Variants in TLK2 observed in about 807,000 individuals in gnomAD.
TLK2 encodes tousled like kinase 2, also known as serine/threonine-protein kinase tousled-like 2.
Under a neutral mutation model 117.3 loss-of-function variants are expected in TLK2, and 6 were observed. The observed-to-expected ratio is 0.05, with a 90% CI of 0.03 to 0.10. TLK2 has a LOEUF of 0.10. Ranked by LOEUF, TLK2 falls within the 10% of genes least tolerant of loss-of-function variation. The probability of loss-of-function intolerance (pLI) is 1.00; values close to 1 mark genes in which losing one functional copy is unlikely to be tolerated. For missense variants in TLK2, 299 were observed against 901.2 expected (o/e 0.33, Z 8.56); for synonymous variants, 257 against 316.7 (o/e 0.81, Z 2.00).
chr17:62,476,445 T>G (rs2071047178), upstream of TLK2, among the ~76,000 whole-genome samples: 1 of 151,858 alleles, frequency 6.6e-6, no homozygotes, highest in African/African-American at 2.4e-5. Context: ...AAGCCAGGTG[T>G]GGTGGTGTGC....
At chr17:62,570,183 G>T (rs1425819789) in intron 11 of TLK2, among the ~76,000 whole-genome samples, 2 of 152,142 alleles carry the variant, frequency 1.3e-5, no homozygotes, top group African/African-American at 4.8e-5. Context: ...CATATCCTGA[G>T]GTACTAACGA....
chr17:62,475,635 G>A (rs911755341), upstream of TLK2, among the ~76,000 whole-genome samples: 3 of 152,004 alleles, frequency 2.0e-5, no homozygotes, highest in Admixed American at 2.0e-4. Context: ...GTGAGCCACC[G>A]CGCCAGGCCC....
At chr17:62,574,246 T>C in intron 12 of TLK2, 1 of 1,484,400 alleles carries the variant, frequency 6.7e-7, no homozygotes, top group Non-Finnish European at 8.9e-7. Flanking sequence ...GAAAGATGGC[T>C]TAACACCAAT....
intron 16 of TLK2, among the ~76,000 whole-genome samples, chr17:62,596,030 A>C (rs2082455581): frequency 6.6e-6 from 1 of 152,106 alleles, no homozygotes; most frequent in Non-Finnish European, 1.5e-5. Context: ...AAAGGGATGA[A>C]AAGGGTTGAC....
intron 2 of TLK2, among the ~76,000 whole-genome samples, chr17:62,488,819 G>GT (rs1567776576): frequency 7.5e-6 from 1 of 134,102 alleles, no homozygotes. Flanking sequence ...GGGCCTTGAA[G>GT]ATTTTTTTTT....
chr17:62,471,494 C>G (rs1281456332), intron 1 of TLK2, among the ~76,000 whole-genome samples: 1 of 152,180 alleles, frequency 6.6e-6, no homozygotes, highest in Non-Finnish European at 1.5e-5. Flanking sequence ...TATTAACTGT[C>G]AAGTCCAATC....
At chr17:62,591,984 C>T (rs149500918) in intron 16 of TLK2, among the ~76,000 whole-genome samples, 223 of 149,646 alleles carry the variant, frequency 1.5e-3, no homozygotes, top group Non-Finnish European at 2.4e-3. Context: ...GACAGAGTTT[C>T]GCTCTTGTTG....
chr17:62,481,430 G>A (rs989842793), intron 2 of TLK2, among the ~76,000 whole-genome samples: 3 of 152,218 alleles, frequency 2.0e-5, no homozygotes, highest in African/African-American at 7.2e-5. Context: ...CTTCCTTTCT[G>A]GTATAGGAGA....
chr17:62,576,618 A>G (rs955840078), intron 12 of TLK2, 91 bp from the exon 13 acceptor site: 6 of 968,716 alleles, frequency 6.2e-6, no homozygotes, highest in Admixed American at 3.9e-5. Context: ...CTGAAACTGA[A>G]TATGTCTTAT....
At chr17:62,546,594 C>T (rs2077964442) in intron 7 of TLK2, among the ~76,000 whole-genome samples, 1 of 140,460 alleles carries the variant, frequency 7.1e-6, no homozygotes, top group Admixed American at 7.5e-5. Flanking sequence ...CTCACCATGT[C>T]ACCCAGGCTG....
upstream of TLK2, among the ~76,000 whole-genome samples, chr17:62,478,511 C>G (rs2071182281): frequency 6.7e-6 from 1 of 149,806 alleles, no homozygotes; most frequent in South Asian, 2.1e-4. Flanking sequence ...GCAGGGCGCC[C>G]CGGGCCGCCG....
In TLK2 at chr17:62,612,800, G is replaced by A. The variant is rs1242928734; in HGVS notation, c.*235G>A. On this transcript the variant is annotated 3_prime_UTR_variant, in exon 22 of 22. Coordinates refer to ENST00000346027, the MANE Select transcript of TLK2 (RefSeq NM_006852.6). ...AAAAGGCCCCGCCCGAGGTTCCAGC[G>A]TCAACGGCCACTGTGTGTGGCTGCT... 1.7e-5 allele frequency: 6 copies of A among 349,910 alleles called. No individual in the cohort carries two copies. The highest frequency in any genetic ancestry group is 1.0e-4 in the East Asian group (2 of 19,798). 21.7% of individuals were successfully genotyped at this position (349,910 alleles called of 1,614,324 possible). A position where few individuals can be genotyped will look rare whatever the true frequency, so the allele number is the denominator to read the frequency against.
At chr17:62,605,476 G>A (rs2083218911) in intron 19 of TLK2, among the ~76,000 whole-genome samples, 1 of 152,038 alleles carries the variant, frequency 6.6e-6, no homozygotes, top group African/African-American at 2.4e-5. Context: ...AGGCTCCGGT[G>A]ATCCTCCCGC....
intron 9 of TLK2, among the ~76,000 whole-genome samples, chr17:62,555,666 A>C (rs960433671): frequency 6.6e-6 from 1 of 151,610 alleles, no homozygotes; most frequent in African/African-American, 2.4e-5. Flanking sequence ...TATAGTAGAG[A>C]CGGGGTTTCA....
intron 2 of TLK2, among the ~76,000 whole-genome samples, chr17:62,518,693 G>A (rs984707292): frequency 4.6e-5 from 7 of 151,630 alleles, no homozygotes; most frequent in African/African-American, 1.5e-4. Context: ...GCTACAGAGC[G>A]AGACTCCGTC....
At chr17:62,472,589 T>C (rs972586279) in intron 1 of TLK2, among the ~76,000 whole-genome samples, 1 of 151,910 alleles carries the variant, frequency 6.6e-6, no homozygotes, top group Non-Finnish European at 1.5e-5. Flanking sequence ...ATAAAAAAAA[T>C]TAGCTGGGCG....
At position 62,602,064 on chromosome 17, in the gene TLK2, T is replaced by G. The variant is rs772962581; in HGVS notation, c.1743T>G (p.Gly581=). The change falls in exon 19 of 22, where the codon GGT becomes GGG. Residue 581 remains glycine (G), a synonymous_variant. Coordinates refer to ENST00000346027, the MANE Select transcript of TLK2 (RefSeq NM_006852.6). ...LKPGNILLVN[G]TACGEIKITD... The stretch of plus-strand genomic sequence containing the variant: ...TAGGTAATATTCTTTTAGTAAATGG[T>G]ACAGCGTGTGGAGAGATAAAAATTA... The G allele has an allele frequency of 6.2e-7, 1 of 1,612,270 alleles. No homozygotes were observed. The highest frequency in any genetic ancestry group is 8.5e-7 in the Non-Finnish European group (1 of 1,179,592).
At chr17:62,612,367 G>T in intron 21 of TLK2, 25 bp from the exon 22 acceptor site, 1 of 1,607,072 alleles carries the variant, frequency 6.2e-7, no homozygotes, top group Non-Finnish European at 8.5e-7. Flanking sequence ...ATCTGCCTCT[G>T]TCTTCAAGAA....
intron 6 of TLK2, among the ~76,000 whole-genome samples, chr17:62,533,989 A>G (rs370568970): frequency 2.6e-5 from 4 of 152,222 alleles, no homozygotes; most frequent in East Asian, 3.9e-4. Context: ...CAACTTATAT[A>G]TCTATATTAT....
Sources: gnomAD v4.1 joint callset for allele counts (sites outside exome capture counted in the v4.1 genomes callset) on GRCh38, gnomAD v4.1.1 for gene constraint, MANE v1.5 for transcripts, NCBI Gene and HGNC (gene_info 2026-07-23, HGNC 2026-07-21) for gene names.